OTOA: variants seen among roughly 807,000 people sequenced by gnomAD.
OTOA encodes the protein otoancorin, also known as cancer/testis antigen 108.
Under a neutral mutation model 110.8 loss-of-function variants are expected in OTOA, and 70 were observed. That is an observed-to-expected ratio of 0.63 (90% confidence interval 0.52 to 0.77). The LOEUF (loss-of-function observed/expected upper bound fraction) is 0.77. Among genes scored for constraint, OTOA ranks in the 30% least tolerant of loss-of-function variants. OTOA has a pLI of 0.00. For missense variants in OTOA, 917 were observed against 1,075.8 expected (o/e 0.85, Z 2.06); for synonymous variants, 373 against 431.5 (o/e 0.86, Z 1.68).
In OTOA at chr16:21,676,272, TTTTTTTTTC is replaced by T. The variant is rs1383158967; in HGVS notation, c.-4-2226_-4-2218del. On this transcript the variant is annotated intron_variant, in intron 1 of 28. Transcript: ENST00000646100. ...CACTTCGGATTTTACATTGCTGGAT[TTTTTTTTTC>T]TTTTTTTTCTTTCTCCATCTTCTGG... 2.0e-5 allele frequency among the ~76,000 whole-genome samples: 3 copies of T among 151,386 alleles called. No individual in the cohort carries two copies. The South Asian group carries it at 6.3e-4, about 32-fold the overall frequency.
chr16:21,734,406 A>C (rs1346981884), intron 21 of OTOA, among the ~76,000 whole-genome samples: 1 of 150,414 alleles, frequency 6.6e-6, no homozygotes, highest in Non-Finnish European at 1.5e-5. Context: ...AGATCAGCAA[A>C]AATAACTAAT....
intron 5 of OTOA, 64 bp downstream of exon 5, chr16:21,679,275 A>C (rs1255112284): frequency 2.6e-6 from 4 of 1,536,352 alleles, no homozygotes; most frequent in Non-Finnish European, 3.6e-6. Context: ...TCTTAATGGA[A>C]GTCTCTTAAT....
chr16:21,717,176 G>A (rs1898582632), intron 15 of OTOA, 129 bp downstream of exon 15: 1 of 1,346,300 alleles, frequency 7.4e-7, no homozygotes, highest in Admixed American at 1.9e-5. Flanking sequence ...AGGCAGAATA[G>A]TATAGTGTTA....
intron 8 of OTOA, among the ~76,000 whole-genome samples, chr16:21,689,670 T>C (rs1897788952): frequency 6.6e-6 from 1 of 151,994 alleles, no homozygotes; most frequent in African/African-American, 2.4e-5. Flanking sequence ...ACCACTGAAT[T>C]GTGCACTTTA....
chr16:21,705,164 C>T lies in OTOA; in HGVS notation c.981-5C>T. 1 of 1,614,188 alleles carries T rather than the reference C, an allele frequency of 6.2e-7. No individual in the cohort carries two copies. Among genetic ancestry groups the T allele is most frequent in the Admixed American group, 1.7e-5 (1 of 60,016 alleles). ...TCCACCACCATCCCTCCTCTTCTCA[C>T]ACAGGCTGGGGCTGCTGGTTTGTTT... On this transcript the variant is annotated splice_region_variant and splice_polypyrimidine_tract_variant and intron_variant, in intron 11 of 28. Coordinates refer to ENST00000646100, the MANE Select transcript of OTOA (RefSeq NM_144672.4).
At chr16:21,709,547 A>G (rs1427258455) in intron 12 of OTOA, among the ~76,000 whole-genome samples, 1 of 152,232 alleles carries the variant, frequency 6.6e-6, no homozygotes, top group Admixed American at 6.5e-5. Context: ...GTTCAAGGTC[A>G]CCAGAGGACA....
At chr16:21,684,078 A>AT (rs917725747) in intron 6 of OTOA, among the ~76,000 whole-genome samples, 2 of 151,900 alleles carry the variant, frequency 1.3e-5, no homozygotes, top group Non-Finnish European at 2.9e-5. Flanking sequence ...ACAATGAGTG[A>AT]TTTTTTAAGT....
intron 10 of OTOA, 108 bp downstream of exon 10, chr16:21,697,983 G>T: frequency 1.0e-6 from 1 of 969,084 alleles, no homozygotes. Context: ...CTTGGAAATT[G>T]TGTACCCTCC....
chr16:21,714,798 C>T lies in OTOA; in HGVS notation c.1321-187C>T, dbSNP rs552916299. The stretch of plus-strand genomic sequence containing the variant: ...GTGCTGGGATTACAGGCGTGAGCCA[C>T]CATGCCTGGCCAACTCTCTTTCTTG... On this transcript the variant is annotated intron_variant, in intron 13 of 28. Transcript: ENST00000646100. Among the ~76,000 whole-genome samples the T allele has an allele frequency of 1.3e-3, 199 of 152,286 alleles. 1 individual carries two copies. Among genetic ancestry groups the T allele is most frequent in the Non-Finnish European group, 2.5e-3 (169 of 68,010 alleles).
At chr16:21,697,748 A>G in intron 9 of OTOA, 27 bp from the exon 10 acceptor site, 1 of 1,600,476 alleles carries the variant, frequency 6.2e-7, no homozygotes, top group Non-Finnish European at 8.6e-7. Context: ...GTATGTACTC[A>G]TTTATTCATT....
intron 10 of OTOA, among the ~76,000 whole-genome samples, chr16:21,699,967 G>C (rs1898019907): frequency 6.6e-6 from 1 of 151,730 alleles, no homozygotes; most frequent in Non-Finnish European, 1.5e-5. Flanking sequence ...AAAATAAAAA[G>C]AGTGAGTCAG....
intron 9 of OTOA, among the ~76,000 whole-genome samples, chr16:21,693,425 T>C (rs7500438): frequency 6.6e-6 from 1 of 152,204 alleles, no homozygotes; most frequent in Admixed American, 6.5e-5. Context: ...TATGTATCAA[T>C]AGCTGAAGAT....
At chr16:21,713,976 C>T (rs1477491518) in intron 13 of OTOA, among the ~76,000 whole-genome samples, 1 of 152,170 alleles carries the variant, frequency 6.6e-6, no homozygotes, top group East Asian at 1.9e-4. Context: ...TAATACCCAA[C>T]TCTTCCTACT....
intron 21 of OTOA, among the ~76,000 whole-genome samples, chr16:21,733,779 ATGT>A (rs1899191758): frequency 6.6e-6 from 1 of 151,456 alleles, no homozygotes; most frequent in Admixed American, 6.6e-5. Flanking sequence ...TTCATGACAA[ATGT>A]TGTGTTAGGC....
Position 21,715,096 on chromosome 16 carries a change from G to A in OTOA, c.1432G>A (p.Val478Ile), listed in dbSNP as rs572283930. ...KDISQVLRSA[V>I]SQYVSDLSPA... ...CATCTCGCAGGTCCTGAGAAGTGCC[G>A]TCTCCCAGTATGTATCCGACTTGTC... Residue 478 changes from valine (V) to isoleucine (I), a missense_variant, in exon 14 of 29, where the codon GTC becomes ATC. This residue lies in a region of OTOA where 840 missense variants were observed against 910.2 expected (regional missense o/e 0.92). Transcript: ENST00000646100. 1.2e-5 allele frequency: 20 copies of A among 1,614,178 alleles called. No individual in the cohort carries two copies. Among genetic ancestry groups the A allele is most frequent in the South Asian group, 6.6e-5 (6 of 91,086 alleles).
intron 9 of OTOA, among the ~76,000 whole-genome samples, chr16:21,693,383 A>G (rs955091725): frequency 6.6e-6 from 1 of 152,242 alleles, no homozygotes; most frequent in Non-Finnish European, 1.5e-5. Context: ...AATGTCAGTA[A>G]TGTAAACAGA....
chr16:21,679,038 A>T lies in OTOA; in HGVS notation c.123A>T (p.Glu41Asp). 2 of 1,614,062 alleles carry T rather than the reference A, an allele frequency of 1.2e-6. No individual in the cohort carries two copies. Among genetic ancestry groups the T allele is most frequent in the Non-Finnish European group, 1.7e-6 (2 of 1,179,992 alleles). The change falls in exon 4 of 29, where the codon GAA (glutamate) becomes GAT (aspartate). Residue 41 changes from glutamate (E) to aspartate (D), a missense_variant and splice_region_variant. Glu to Asp is a conservative substitution (Grantham distance 45). Transcript: ENST00000646100. ...DLHPLLQNMA[E>D]EIIDGSYLNA... ...GATGTTATCTCTTTGCCTTTTAGGA[A>T]GAAATAATAGATGGAAGCTATCTGA...
At chr16:21,715,673 A>G (rs183820851) in intron 14 of OTOA, among the ~76,000 whole-genome samples, 96 of 151,570 alleles carry the variant, frequency 6.3e-4, no homozygotes, top group Non-Finnish European at 1.2e-3. Context: ...TCAAGCCACC[A>G]TGTCTGGCTA....
chr16:21,688,452 A>G (rs1053473160), intron 8 of OTOA, among the ~76,000 whole-genome samples: 2 of 152,110 alleles, frequency 1.3e-5, no homozygotes, highest in East Asian at 3.8e-4. Flanking sequence ...ATACAGTGGG[A>G]AAAAAAGTGT....
Sources: allele counts gnomAD v4.1 joint callset (sites outside exome capture counted in the v4.1 genomes callset), GRCh38; gene constraint gnomAD v4.1.1; regional missense constraint gnomAD v4.1.1; transcripts MANE v1.5; gene names NCBI Gene and HGNC (gene_info 2026-07-23, HGNC 2026-07-21).